Variants in PTPN3 observed in about 807,000 individuals in gnomAD.
PTPN3 encodes tyrosine-protein phosphatase non-receptor type 3.
Under a neutral mutation model 132.7 loss-of-function variants are expected in PTPN3, and 96 were observed. The observed-to-expected ratio is 0.72, with a 90% CI of 0.61 to 0.86. The LOEUF (loss-of-function observed/expected upper bound fraction) is 0.86. PTPN3 is among the 40% of genes least tolerant of loss of function. The pLI is 0.00. For missense variants in PTPN3, 1,125 were observed against 1,159.6 expected (o/e 0.97, Z 0.43); for synonymous variants, 398 against 429.0 (o/e 0.93, Z 0.89).
chr9:109,507,405 G>A, the PTPN3 span, among the ~76,000 whole-genome samples: 1 of 152,222 alleles, frequency 6.6e-6, no homozygotes, highest in Admixed American at 6.5e-5. Context: ...CTGGAAACCT[G>A]TCCTGGGCCC....
At chr9:109,393,846 C>T (rs1840343777) in intron 19 of PTPN3, among the ~76,000 whole-genome samples, 1 of 152,032 alleles carries the variant, frequency 6.6e-6, no homozygotes, top group African/African-American at 2.4e-5. Flanking sequence ...TCTGTTTTTT[C>T]TCTTACTAAA....
chr9:109,529,636 A>G, the PTPN3 span, among the ~76,000 whole-genome samples: 1 of 152,170 alleles, frequency 6.6e-6, no homozygotes, highest in Non-Finnish European at 1.5e-5. Context: ...TAATGAATTA[A>G]AACTTTTTTT....
At chr9:109,468,105 C>T (rs1448543765) in intron 1 of PTPN3, among the ~76,000 whole-genome samples, 2 of 152,114 alleles carry the variant, frequency 1.3e-5, no homozygotes, top group East Asian at 3.9e-4. Flanking sequence ...TGACTAACTG[C>T]CCTGTTTCCT....
At chr9:109,526,505 T>G in the PTPN3 span, among the ~76,000 whole-genome samples, 1 of 151,894 alleles carries the variant, frequency 6.6e-6, no homozygotes, top group Non-Finnish European at 1.5e-5. Flanking sequence ...GGACCTGATT[T>G]CTACAAAAAA....
At chr9:109,430,919 T>C (rs1211815357) in intron 10 of PTPN3, among the ~76,000 whole-genome samples, 1 of 152,200 alleles carries the variant, frequency 6.6e-6, no homozygotes, top group Non-Finnish European at 1.5e-5. Flanking sequence ...GCCACTTCTC[T>C]AGAATTTTCC....
chr9:109,531,488 T>C, the PTPN3 span, among the ~76,000 whole-genome samples: 105 of 152,340 alleles, frequency 6.9e-4, 1 homozygote, highest in East Asian at 0.02. Flanking sequence ...CTCAAAATCT[T>C]GGTTTACACC....
intron 14 of PTPN3, among the ~76,000 whole-genome samples, chr9:109,418,367 C>G (rs928545813): frequency 6.6e-6 from 1 of 152,210 alleles, no homozygotes; most frequent in Non-Finnish European, 1.5e-5. Context: ...TCCCTCCCCA[C>G]CTGGCACTGA....
intron 16 of PTPN3, 28 bp from the exon 17 acceptor site, chr9:109,408,405 A>G: frequency 5.8e-6 from 9 of 1,545,482 alleles, no homozygotes; most frequent in Non-Finnish European, 7.9e-6. Flanking sequence ...TAAAAACAAA[A>G]CAAAGTTTTT....
chr9:109,527,168 G>T, the PTPN3 span, among the ~76,000 whole-genome samples: 105 of 152,284 alleles, frequency 6.9e-4, no homozygotes, highest in African/African-American at 2.5e-3. Context: ...TCATTAAAAT[G>T]AATAACTTCT....
chr9:109,532,875 A>G, the PTPN3 span: 4 of 1,131,014 alleles, frequency 3.5e-6, no homozygotes, highest in Non-Finnish European at 4.7e-6. Flanking sequence ...ACTAATTCTC[A>G]ATTATCAGCT....
chr9:109,520,788 G>A, the PTPN3 span, among the ~76,000 whole-genome samples: 124 of 152,286 alleles, frequency 8.1e-4, 1 homozygote, highest in African/African-American at 2.9e-3. Flanking sequence ...ATGTCACTAA[G>A]CAAAAGCCAG....
chr9:109,536,040 C>T, the PTPN3 span, among the ~76,000 whole-genome samples: 3 of 152,228 alleles, frequency 2.0e-5, no homozygotes, highest in East Asian at 5.8e-4. Flanking sequence ...TCCCTTAGCC[C>T]CTGGCAACCA....
intron 3 of PTPN3, 29 bp downstream of exon 3, chr9:109,457,263 T>A (rs1454120328): frequency 1.2e-6 from 2 of 1,612,574 alleles, no homozygotes; most frequent in Non-Finnish European, 1.7e-6. Flanking sequence ...GTGAAGGAGT[T>A]CAGCACATTT....
chr9:109,383,775 TGGA>T (rs544050036), intron 22 of PTPN3, among the ~76,000 whole-genome samples: 2 of 152,132 alleles, frequency 1.3e-5, no homozygotes, highest in African/African-American at 4.8e-5. Flanking sequence ...GGCTGCAGCC[TGGA>T]GGAGGAGGAC....
At chr9:109,448,754 T>TAAA (rs747217023) in intron 6 of PTPN3, 57 bp downstream of exon 6, 13 of 1,495,298 alleles carry the variant, frequency 8.7e-6, no homozygotes, top group African/African-American at 7.1e-5. Context: ...CTCATTAGAT[T>TAAA]AAAACCAGGA....
At chr9:109,461,186 G>A (rs1845827696) in intron 2 of PTPN3, among the ~76,000 whole-genome samples, 1 of 152,112 alleles carries the variant, frequency 6.6e-6, no homozygotes, top group Non-Finnish European at 1.5e-5. Context: ...CCTTTTAAGG[G>A]AAATATTTAC....
intron 24 of PTPN3, 122 bp from the exon 25 acceptor site, chr9:109,381,909 C>A: frequency 8.6e-7 from 1 of 1,158,524 alleles, no homozygotes; most frequent in Non-Finnish European, 1.2e-6. Flanking sequence ...GAAGACAAAA[C>A]GCACACTCAC....
At chr9:109,415,471 G>A (rs181676406) in intron 14 of PTPN3, among the ~76,000 whole-genome samples, 11 of 152,280 alleles carry the variant, frequency 7.2e-5, no homozygotes, top group African/African-American at 2.6e-4. Flanking sequence ...GGTAAAGGCA[G>A]GAAATGCTGA....
In PTPN3 at chr9:109,468,706, C is replaced by G. The variant is rs957091525; in HGVS notation, c.-17-5255G>C. On this transcript the variant is annotated intron_variant, in intron 1 of 25. Coordinates refer to ENST00000374541, the MANE Select transcript of PTPN3 (RefSeq NM_002829.4). Reference sequence around the variant, plus strand: ...AATCAAAGATTATACTTGGAAAATACAGCAAGAGGCAACACCTCACTTTGT... The same window carrying G: ...AATCAAAGATTATACTTGGAAAATAGAGCAAGAGGCAACACCTCACTTTGT... Among the ~76,000 whole-genome samples the G allele has an allele frequency of 3.9e-5, 6 of 152,328 alleles. 1 individual carries two copies. The South Asian group carries it at 1.0e-3, about 26-fold the overall frequency.
Sources: allele counts gnomAD v4.1 joint callset (sites outside exome capture counted in the v4.1 genomes callset), GRCh38; gene constraint gnomAD v4.1.1; transcripts MANE v1.5; gene names NCBI Gene and HGNC (gene_info 2026-07-23, HGNC 2026-07-21).